TRIM69: variants seen among roughly 807,000 people sequenced by gnomAD.
TRIM69 encodes the protein E3 ubiquitin-protein ligase TRIM69.
In TRIM69, 29 loss-of-function variants were observed where a neutral mutation model predicts 37.7. That is an observed-to-expected ratio of 0.77 (90% confidence interval 0.57 to 1.05). The LOEUF (loss-of-function observed/expected upper bound fraction) is 1.05. TRIM69 is among the 50% of genes least tolerant of loss of function. The pLI is 0.00. For missense variants in TRIM69, 596 were observed against 579.9 expected (o/e 1.03, Z -0.28); for synonymous variants, 209 against 212.4 (o/e 0.98, Z 0.14).
At chr15:44,766,032 C>T (rs981795291) in intron 6 of TRIM69, among the ~76,000 whole-genome samples, 11 of 152,040 alleles carry the variant, frequency 7.2e-5, no homozygotes, top group Non-Finnish European at 1.3e-4. Context: ...TACTGCTGCC[C>T]TTTGAATTGT....
intron 3 of TRIM69, chr15:44,757,528 A>T (rs1837863429): frequency 6.6e-6 from 1 of 152,178 alleles, no homozygotes; most frequent in Non-Finnish European, 1.5e-5. Context: ...TATCTGGAAA[A>T]GTCCTGAGAT....
rs1211144659 is a variant in TRIM69 at position 44,759,853 on chromosome 15, G to T, written c.942G>T (p.Met314Ile). Residue 314 changes from methionine to isoleucine, a missense_variant, in exon 6 of 7, where the codon ATG becomes ATT. Transcript: ENST00000329464. ...GPIQYMVWRE[M>I]QDTLCPGLSP... ...TCCAGTACATGGTATGGAGGGAAAT[G>T]CAGGACACTCTCTGCCCAGGTATCA... The T allele has an allele frequency of 1.9e-6, 3 of 1,613,436 alleles. No homozygotes were observed. Among genetic ancestry groups the T allele is most frequent in the African/African-American group, 1.3e-5 (1 of 75,036 alleles).
chr15:44,754,636 AAG>A (rs1247940787), intron 1 of TRIM69: 5 of 397,574 alleles, frequency 1.3e-5, no homozygotes, highest in African/African-American at 8.2e-5. Flanking sequence ...AAAGTGGGTA[AAG>A]AGAGAGATGT....
At chr15:44,761,576 C>T (rs766563898) in intron 6 of TRIM69, among the ~76,000 whole-genome samples, 8 of 152,070 alleles carry the variant, frequency 5.3e-5, no homozygotes, top group Non-Finnish European at 1.0e-4. Flanking sequence ...GTGATTCTTG[C>T]GCCTCAGACT....
chr15:44,759,495 AG>A, intron 4 of TRIM69, 144 bp from the exon 5 acceptor site: 1 of 771,640 alleles, frequency 1.3e-6, no homozygotes, highest in Non-Finnish European at 2.1e-6. Context: ...GATGAAGATT[AG>A]AAAAAGTGTA....
intron 1 of TRIM69, among the ~76,000 whole-genome samples, chr15:44,740,486 G>A (rs551675662): frequency 0.018 from 2,779 of 152,250 alleles, 80 homozygotes; most frequent in African/African-American, 0.062. Flanking sequence ...ACTTTGAAAA[G>A]AATTTAGATG....
At chr15:44,763,232 TTAGA>T (rs1236498258) in intron 6 of TRIM69, among the ~76,000 whole-genome samples, 2 of 152,206 alleles carry the variant, frequency 1.3e-5, no homozygotes, top group Admixed American at 6.5e-5. Flanking sequence ...TTTTTATGAC[TTAGA>T]TAGTTTTGAG....
chr15:44,758,348 T>C, intron 3 of TRIM69: 1 of 534,324 alleles, frequency 1.9e-6, no homozygotes, highest in Non-Finnish European at 3.3e-6. Flanking sequence ...TCCACAGTCT[T>C]ATTTAATATG....
In TRIM69 at chr15:44,744,334, A is replaced by G. The variant is rs1377504596; in HGVS notation, c.6+7624A>G. ...GGTGGGGGGAGGGGGGAGGGATAGC[A>G]TTAGGAGATATACCTAATGCTAAAT... On this transcript the variant is annotated intron_variant, in intron 1 of 6. Coordinates refer to ENST00000329464, the MANE Select transcript of TRIM69 (RefSeq NM_182985.5). Among the ~76,000 whole-genome samples, 14 of 144,926 alleles carry G rather than the reference A, an allele frequency of 9.7e-5. No homozygotes were observed. The East Asian group carries it at 2.1e-3, about 22-fold the overall frequency.
At chr15:44,753,871 T>G (rs543713919) in intron 1 of TRIM69, 12 of 152,098 alleles carry the variant, frequency 7.9e-5, no homozygotes, top group African/African-American at 2.9e-4. Context: ...CCTGCCGCCA[T>G]GACCAGCTAA....
rs570453751 is a variant in TRIM69, at chr15:44,745,409, T to C, written c.6+8699T>C. On this transcript the variant is annotated intron_variant, in intron 1 of 6. Coordinates refer to ENST00000329464, the MANE Select transcript of TRIM69 (RefSeq NM_182985.5). ...TAAACAAAACAACTACAACAAGAAG[T>C]AACAAAAAACCCCAGAGAAGGTGGA... Among the ~76,000 whole-genome samples the C allele has an allele frequency of 5.3e-5, 8 of 152,174 alleles. 1 individual carries two copies. In the South Asian group the frequency reaches 1.7e-3, roughly 32 times the overall value.
At chr15:44,764,699 T>A (rs3100142) in intron 6 of TRIM69, among the ~76,000 whole-genome samples, 117,791 of 152,172 alleles carry the variant, frequency 0.77, 46,306 homozygotes, top group Middle Eastern at 0.84. Context: ...TTGGTTGTAG[T>A]TTGCCTACTC....
intron 1 of TRIM69, among the ~76,000 whole-genome samples, chr15:44,741,801 G>A (rs574392893): frequency 2.6e-4 from 40 of 152,238 alleles, no homozygotes; most frequent in Non-Finnish European, 4.3e-4. Context: ...CCAATAACAG[G>A]CTCCGAAATT....
intron 1 of TRIM69, among the ~76,000 whole-genome samples, chr15:44,747,938 C>T (rs8042457): frequency 0.14 from 20,801 of 152,078 alleles, 1,714 homozygotes; most frequent in African/African-American, 0.22. Context: ...AAACTTCTAA[C>T]GAGGAATGGG....
intron 1 of TRIM69, among the ~76,000 whole-genome samples, chr15:44,746,750 G>GCACACACA (rs10561330): frequency 1.9e-4 from 28 of 150,276 alleles, no homozygotes; most frequent in African/African-American, 6.8e-4. Context: ...ACGTGCACGT[G>GCACACACA]CACACACACA....
Position 44,755,244 on chromosome 15 carries a change from G to A in TRIM69, c.351G>A (p.Glu117=). ...TCAAGGGCCATCCACAGTGCCCAGAGCATGGAGAGAACCTGAAACTGTTCA... is the reference window on the plus strand; with the variant it reads ...TCAAGGGCCATCCACAGTGCCCAGAACATGGAGAGAACCTGAAACTGTTCA... ...PLLKGHPQCP[E]HGENLKLFSK... is the part of the protein sequence containing the mutation. The change falls in exon 2 of 7, where the codon GAG becomes GAA. Residue 117 remains glutamate (E), a synonymous_variant. Transcript: ENST00000329464. 6.2e-7 allele frequency: 1 copy of A among 1,614,230 alleles called. No homozygotes were observed. The highest frequency in any genetic ancestry group is 8.5e-7 in the Non-Finnish European group (1 of 1,180,046).
intron 2 of TRIM69, among the ~76,000 whole-genome samples, chr15:44,755,994 A>C (rs1373957587): frequency 6.6e-6 from 1 of 152,210 alleles, no homozygotes; most frequent in Non-Finnish European, 1.5e-5. Context: ...CCCTTCTTCA[A>C]ATCCCTGTAG....
Position 44,755,024 on chromosome 15 carries a change from G to T in TRIM69, c.131G>T (p.Cys44Phe). 1 of 1,614,196 alleles carries T rather than the reference G, an allele frequency of 6.2e-7. No individual in the cohort carries two copies. Among genetic ancestry groups the T allele is most frequent in the Non-Finnish European group, 8.5e-7 (1 of 1,180,040 alleles). The change falls in exon 2 of 7, where the codon TGC becomes TTC. Residue 44 changes from cysteine (C) to phenylalanine (F), a missense_variant. Physicochemically the swap from Cys to Phe is radical, Grantham distance 205. Coordinates refer to ENST00000329464, the MANE Select transcript of TRIM69 (RefSeq NM_182985.5). The part of the protein sequence containing the change: ...DITMELHCPL[C>F]NDWFRDPLML... ...ACTATGGAGCTACACTGCCCTCTGT[G>T]CAATGATTGGTTCCGAGACCCACTG...
chr15:44,764,893 A>G (rs759763871), intron 6 of TRIM69, among the ~76,000 whole-genome samples: 4 of 152,224 alleles, frequency 2.6e-5, no homozygotes, highest in Non-Finnish European at 4.4e-5. Flanking sequence ...ATCAAAGTAA[A>G]TGAGGGAAAG....
Sources: allele counts gnomAD v4.1 joint callset (sites outside exome capture counted in the v4.1 genomes callset), GRCh38; gene constraint gnomAD v4.1.1; transcripts MANE v1.5; gene names NCBI Gene and HGNC (gene_info 2026-07-23, HGNC 2026-07-21).